The following LIAS variants were observed in gnomAD, a reference collection of about 807,000 sequenced individuals.
LIAS encodes the protein lipoic acid synthetase.
LIAS carries 36 observed loss-of-function variants against 49.4 expected under a neutral mutation model. That is an observed-to-expected ratio of 0.73 (90% CI 0.56 to 0.96). The LOEUF is 0.96. LIAS is among the 40% of genes least tolerant of loss of function. The pLI, the probability that LIAS is intolerant of heterozygous loss-of-function variation, is 0.00. For synonymous variants in LIAS, 145 were observed against 155.8 expected, an observed-to-expected ratio of 0.93 and a Z score of 0.52; for missense variants, 399 against 456.3, an observed-to-expected ratio of 0.87 and a Z score of 1.14.
At chr4:39,467,997 A>C (rs1282559653) in intron 7 of LIAS, 1 of 152,062 alleles carries the variant, frequency 6.6e-6, no homozygotes, top group African/African-American at 2.4e-5. Flanking sequence ...AACTCATATT[A>C]CTAAGTTACT....
At chr4:39,465,381 T>G (rs1744718550) in intron 6 of LIAS, 39 bp downstream of exon 6, 1 of 1,553,404 alleles carries the variant, frequency 6.4e-7, no homozygotes, top group Admixed American at 1.9e-5. Context: ...AGGACCTTTT[T>G]GGACCCATAT....
In LIAS at chr4:39,471,276, A is replaced by G; in HGVS notation, c.924A>G (p.Gln308=). The change falls in exon 9 of 11, where the codon CAA becomes CAG. Residue 308 remains glutamine, a synonymous_variant. Coordinates refer to ENST00000640888, the MANE Select transcript of LIAS (RefSeq NM_006859.4). ...EADVDCLTLG[Q]YMQPTRRHLK... The stretch of plus-strand genomic sequence containing the variant: ...ATGTAGACTGCTTGACTTTAGGACA[A>G]TATATGCAGCCAACAAGGCGTCACC... 1 of 1,612,250 alleles carries G rather than the reference A, an allele frequency of 6.2e-7. No individual in the cohort carries two copies. Among genetic ancestry groups the G allele is most frequent in the South Asian group, 1.1e-5 (1 of 91,012 alleles).
At position 39,467,511 on chromosome 4, in the gene LIAS, C is replaced by A; in HGVS notation, c.609-7C>A. The A allele has an allele frequency of 1.3e-6, 2 of 1,580,472 alleles. No individual in the cohort carries two copies. The highest frequency in any genetic ancestry group is 1.2e-5 in the South Asian group (1 of 85,444). On this transcript the variant is annotated splice_region_variant and splice_polypyrimidine_tract_variant and intron_variant, in intron 6 of 10. Coordinates refer to ENST00000640888, the MANE Select transcript of LIAS (RefSeq NM_006859.4). ...CTCTGTTTGATAATTCTCTCTTTTCCCCTTAGGAATCCAAAAATCCTTGTG... is the reference window on the plus strand; with the variant it reads ...CTCTGTTTGATAATTCTCTCTTTTCACCTTAGGAATCCAAAAATCCTTGTG...
chr4:39,472,124 TACACACAC>T (rs150010225), intron 9 of LIAS, among the ~76,000 whole-genome samples: 6 of 150,146 alleles, frequency 4.0e-5, no homozygotes, highest in African/African-American at 7.4e-5. Flanking sequence ...CACACACATA[TACACACAC>T]ACACACACAC....
In LIAS at chr4:39,471,229, C is replaced by T; in HGVS notation, c.884-7C>T. 1 of 1,603,558 alleles carries T rather than the reference C, an allele frequency of 6.2e-7. No homozygotes were observed. Among genetic ancestry groups the T allele is most frequent in the Non-Finnish European group, 8.5e-7 (1 of 1,172,264 alleles). ...TGCTAATGTAATTTGTGCTTTTCTT[C>T]CTACAGCACTTCGTGAGGCAGATGT... On this transcript the variant is annotated splice_polypyrimidine_tract_variant and splice_region_variant and intron_variant, in intron 8 of 10. Transcript: ENST00000640888.
intron 4 of LIAS, 159 bp downstream of exon 4, chr4:39,463,764 A>G: frequency 7.6e-7 from 1 of 1,316,464 alleles, no homozygotes; most frequent in Non-Finnish European, 9.8e-7. Context: ...GAATAATCCA[A>G]CCTGTTGTAA....
intron 1 of LIAS, among the ~76,000 whole-genome samples, chr4:39,459,450 A>G (rs1744326402): frequency 6.6e-6 from 1 of 152,170 alleles, no homozygotes; most frequent in African/African-American, 2.4e-5. Context: ...TGAGCACCCC[A>G]CATAGCTATT....
intron 6 of LIAS, chr4:39,466,567 T>TA (rs59922900): frequency 0.012 from 1,765 of 144,308 alleles, 26 homozygotes; most frequent in African/African-American, 0.041. Flanking sequence ...AAAAATAAAT[T>TA]AAAAAAAAAA....
Position 39,465,336 on chromosome 4 carries a change from A to G in LIAS, c.602A>G (p.Lys201Arg), listed in dbSNP as rs755855078. The change falls in exon 6 of 11, where the codon AAG (lysine) becomes AGG (arginine). Residue 201 changes from lysine to arginine, a missense_variant. By Grantham distance (26) the Lys-to-Arg change is conservative. Around this residue, in one of 3 missense-constraint regions of LIAS, gnomAD observed 234 missense variants for 292.2 expected, o/e 0.80. Coordinates refer to ENST00000640888, the MANE Select transcript of LIAS (RefSeq NM_006859.4). ...EHIAKTVSYLKERNPKILVEC... is the reference protein window; with the variant it reads ...EHIAKTVSYLRERNPKILVEC... ...ATTGCAAAGACCGTATCATATTTAA[A>G]GGAAAGGTACTTATTTTTGCATTTG... 1.2e-6 allele frequency: 2 copies of G among 1,609,600 alleles called. No homozygotes were observed.
chr4:39,462,171 G>A, intron 2 of LIAS, 25 bp from the exon 3 acceptor site: 1 of 1,093,936 alleles, frequency 9.1e-7, no homozygotes, highest in South Asian at 1.6e-5. Flanking sequence ...TTTGTTAATA[G>A]ATAGTTATGT....
intron 8 of LIAS, 133 bp downstream of exon 8, chr4:39,470,297 C>T (rs1390837993): frequency 7.1e-6 from 4 of 559,778 alleles, no homozygotes; most frequent in Non-Finnish European, 1.2e-5. Context: ...AGGAAACCAA[C>T]TTGCACATGC....
rs772474687 is a variant in LIAS at position 39,459,115 on chromosome 4, G to T, written c.-3G>T. On this transcript the variant is annotated 5_prime_UTR_variant, in exon 1 of 11. Transcript: ENST00000640888. ...CCTGCACTGCGCTAGTCCTAAAGAG[G>T]AAATGTCTCTACGCTGCGGGGATGC... The T allele has an allele frequency of 6.2e-7, 1 of 1,614,118 alleles. No homozygotes were observed. The highest frequency in any genetic ancestry group is 1.1e-5 in the South Asian group (1 of 91,082).
At chr4:39,463,291 C>T (rs921652526) in intron 3 of LIAS, among the ~76,000 whole-genome samples, 1 of 152,190 alleles carries the variant, frequency 6.6e-6, no homozygotes, top group East Asian at 1.9e-4. Context: ...ACTATGTTGC[C>T]CAGACTGGTT....
At chr4:39,472,314 G>A (rs1456259521) in intron 9 of LIAS, among the ~76,000 whole-genome samples, 3 of 152,140 alleles carry the variant, frequency 2.0e-5, no homozygotes, top group African/African-American at 7.2e-5. Context: ...GAGAAGAGGA[G>A]GAGTTAGTCA....
intron 4 of LIAS, 78 bp downstream of exon 4, chr4:39,463,683 G>T: frequency 6.7e-7 from 1 of 1,485,380 alleles, no homozygotes; most frequent in Non-Finnish European, 9.0e-7. Context: ...CTAAAAATGT[G>T]CATTATGAAT....
chr4:39,475,349 C>G (rs1292142800), intron 10 of LIAS: 1 of 151,742 alleles, frequency 6.6e-6, no homozygotes, highest in Non-Finnish European at 1.5e-5. Flanking sequence ...CCACTGCACT[C>G]CAGTCTGGGC....
Position 39,460,790 on chromosome 4 carries a change from G to T in LIAS, c.46G>T (p.Val16Leu), listed in dbSNP as rs1465331415. Reference protein sequence around the residue: ...GDAARTLGPRVFGRYFCSPVR... With the variant: ...GDAARTLGPRLFGRYFCSPVR... ...ACGTCATAATTAACTCTTTCTTTAGGTATTTGGGAGATATTTTTGCAGCCC... is the reference window on the plus strand; with the variant it reads ...ACGTCATAATTAACTCTTTCTTTAGTTATTTGGGAGATATTTTTGCAGCCC... The change falls in exon 2 of 11, where the codon GTA becomes TTA. Residue 16 changes from valine to leucine, a missense_variant and splice_region_variant. Physicochemically the swap from Val to Leu is conservative, Grantham distance 32. Transcript: ENST00000640888. The T allele has an allele frequency of 6.4e-7, 1 of 1,570,530 alleles. No individual in the cohort carries two copies.
At chr4:39,466,075 A>G (rs1744744819) in intron 6 of LIAS, 1 of 152,232 alleles carries the variant, frequency 6.6e-6, no homozygotes, top group Admixed American at 6.6e-5. Context: ...TCTGGGCTCA[A>G]GCAATCCTTC....
chr4:39,470,472 A>G, intron 8 of LIAS: 1 of 246,498 alleles, frequency 4.1e-6, no homozygotes, highest in Non-Finnish European at 8.1e-6. Flanking sequence ...CACTTTTCTC[A>G]TTCTATCATT....
Sources: allele counts gnomAD v4.1 joint callset (sites outside exome capture counted in the v4.1 genomes callset), GRCh38; gene constraint gnomAD v4.1.1; regional missense constraint gnomAD v4.1.1; transcripts MANE v1.5; gene names NCBI Gene and HGNC (gene_info 2026-07-23, HGNC 2026-07-21).